The following DACH2 variants were observed in gnomAD, a reference collection of about 807,000 sequenced individuals.
DACH2 encodes dachshund homolog 2.
Under a neutral mutation model 35.8 loss-of-function variants are expected in DACH2, and 17 were observed. The ratio of observed to expected loss-of-function variants is 0.48; its 90% CI spans 0.33 to 0.71. The LOEUF (loss-of-function observed/expected upper bound fraction) is 0.71, where lower values mean the gene tolerates loss of function less well. Ranked by LOEUF, DACH2 falls within the 30% of genes least tolerant of loss-of-function variation. The probability of loss-of-function intolerance (pLI) is 0.02; values close to 1 mark genes in which losing one functional copy is unlikely to be tolerated. For synonymous variants in DACH2, 195 were observed against 177.3 expected (o/e 1.10, Z -0.79); for missense variants, 469 against 472.7 (o/e 0.99, Z 0.07).
chrX:86,308,862 T>A (rs761253268), intron 1 of DACH2, among the ~76,000 whole-genome samples: 1 of 111,185 alleles, frequency 9.0e-6, no homozygotes, highest in African/African-American at 3.3e-5. Context: ...GGAGGTCAGG[T>A]AATTAATGGA....
intron 6 of DACH2, among the ~76,000 whole-genome samples, chrX:86,738,272 C>T (rs1196247667): frequency 9.0e-6 from 1 of 111,437 alleles, no homozygotes; most frequent in African/African-American, 3.3e-5. Flanking sequence ...CGCTGCAATG[C>T]CAGACATTGG....
At chrX:86,404,294 C>A (rs1170197053) in intron 2 of DACH2, among the ~76,000 whole-genome samples, 2 of 111,476 alleles carry the variant, frequency 1.8e-5, no homozygotes, top group Non-Finnish European at 3.8e-5. Flanking sequence ...TCATCTGAGA[C>A]AAGGCAAGGC....
At chrX:86,774,683 A>C (rs1003178472) in intron 7 of DACH2, among the ~76,000 whole-genome samples, 7 of 112,069 alleles carry the variant, frequency 6.2e-5, no homozygotes, top group African/African-American at 2.3e-4. Flanking sequence ...CAAGCTGCAA[A>C]CTATAATTTC....
intron 11 of DACH2, chrX:86,828,704 A>T (rs2042584241): frequency 9.0e-6 from 1 of 111,372 alleles, no homozygotes; most frequent in Non-Finnish European, 1.9e-5. Flanking sequence ...TTTGGCTTGA[A>T]TTGCCCAGGA....
intron 1 of DACH2, among the ~76,000 whole-genome samples, chrX:86,158,167 C>T (rs747367536): frequency 8.9e-6 from 1 of 111,784 alleles, no homozygotes; most frequent in South Asian, 3.8e-4. Flanking sequence ...TATAACACTA[C>T]TGATGATAAG....
intron 2 of DACH2, among the ~76,000 whole-genome samples, chrX:86,474,584 C>A (rs1380216652): frequency 3.6e-5 from 4 of 111,883 alleles, no homozygotes; most frequent in Non-Finnish European, 7.5e-5. Flanking sequence ...ATATGGATAT[C>A]CAGTTTTTCC....
chrX:86,439,253 T>G (rs1016656400), intron 2 of DACH2, among the ~76,000 whole-genome samples: 2 of 111,513 alleles, frequency 1.8e-5, no homozygotes, highest in African/African-American at 6.5e-5. Flanking sequence ...TTATTATTAC[T>G]TTTTTACTAT....
intron 3 of DACH2, among the ~76,000 whole-genome samples, chrX:86,538,203 C>G (rs2038830028): frequency 9.0e-6 from 1 of 111,413 alleles, no homozygotes; most frequent in Non-Finnish European, 1.9e-5. Flanking sequence ...GAGACCTCAT[C>G]AGAATGTTCT....
intron 5 of DACH2, among the ~76,000 whole-genome samples, chrX:86,705,663 C>T (rs1409335905): frequency 9.0e-6 from 1 of 111,231 alleles, no homozygotes; most frequent in Non-Finnish European, 1.9e-5. Context: ...TTAGTACAGC[C>T]TCTATGGAAA....
intron 1 of DACH2, among the ~76,000 whole-genome samples, chrX:86,338,318 A>G (rs2035353465): frequency 8.9e-6 from 1 of 111,821 alleles, no homozygotes; most frequent in Non-Finnish European, 1.9e-5. Context: ...AATTGGAAGT[A>G]AAACACTCTA....
chrX:86,183,415 T>C (rs1255692380), intron 1 of DACH2, among the ~76,000 whole-genome samples: 2 of 112,325 alleles, frequency 1.8e-5, no homozygotes, highest in Non-Finnish European at 3.7e-5. Flanking sequence ...AGGCCTTTTC[T>C]GCATCTACTA....
intron 3 of DACH2, among the ~76,000 whole-genome samples, chrX:86,605,385 A>G (rs1393040712): frequency 9.0e-6 from 1 of 110,594 alleles, no homozygotes; most frequent in Non-Finnish European, 1.9e-5. Flanking sequence ...TGAAATGCAT[A>G]TATTTATGGG....
chrX:86,424,989 T>C (rs1014746499), intron 2 of DACH2, among the ~76,000 whole-genome samples: 1 of 111,537 alleles, frequency 9.0e-6, no homozygotes, highest in African/African-American at 3.2e-5. Context: ...TTGATTTGCA[T>C]ATGTTGAATT....
chrX:86,176,029 T>C (rs1280002980), intron 1 of DACH2, among the ~76,000 whole-genome samples: 1 of 111,743 alleles, frequency 8.9e-6, no homozygotes, highest in Admixed American at 9.6e-5. Context: ...TTTCACCACG[T>C]AAAGCTGTGT....
chrX:86,606,802 T>C (rs2039864752), intron 3 of DACH2, among the ~76,000 whole-genome samples: 1 of 111,971 alleles, frequency 8.9e-6, no homozygotes, highest in Non-Finnish European at 1.9e-5. Flanking sequence ...TGTTAAAGTC[T>C]CCAGATACTA....
In DACH2 at chrX:86,264,863, A is replaced by T. The variant is rs182021223; in HGVS notation, c.489-111961A>T. Reference sequence around the variant, plus strand: ...TTGCCCCTCACTGTGAAGGCCAATCAATTGATTTCTTTTAGATTCAAGAAA... The same window carrying T: ...TTGCCCCTCACTGTGAAGGCCAATCTATTGATTTCTTTTAGATTCAAGAAA... On this transcript the variant is annotated intron_variant, in intron 1 of 11. Transcript: ENST00000373125. 9.7e-4 allele frequency among the ~76,000 whole-genome samples: 108 copies of T among 111,226 alleles called. 1 individual carries two copies. The East Asian group carries it at 0.028, about 28-fold the overall frequency.
chrX:86,637,555 C>A (rs113322384), intron 3 of DACH2, among the ~76,000 whole-genome samples: 1 of 111,575 alleles, frequency 9.0e-6, no homozygotes. Flanking sequence ...TAAAAAAGAA[C>A]AAAATCATGT....
chrX:86,824,271 G>A (rs766682143), intron 11 of DACH2, among the ~76,000 whole-genome samples: 1 of 111,275 alleles, frequency 9.0e-6, no homozygotes, highest in Non-Finnish European at 1.9e-5. Flanking sequence ...GCTAGCAAAA[G>A]AATTTAGCGA....
At chrX:86,793,216 GT>G (rs898230207) in intron 7 of DACH2, among the ~76,000 whole-genome samples, 4 of 109,323 alleles carry the variant, frequency 3.7e-5, no homozygotes, top group African/African-American at 1.3e-4. Flanking sequence ...GGATTATTAG[GT>G]TTTTGGTTTT....
Sources: gnomAD v4.1 joint callset for allele counts (sites outside exome capture counted in the v4.1 genomes callset) on GRCh38, gnomAD v4.1.1 for gene constraint, MANE v1.5 for transcripts, NCBI Gene and HGNC (gene_info 2026-07-23, HGNC 2026-07-21) for gene names.